Variants in NEBL observed in about 807,000 individuals in gnomAD.
NEBL encodes nebulette.
NEBL carries 122 observed loss-of-function variants against 140.2 expected under a neutral mutation model. That is an observed-to-expected ratio of 0.87 (90% CI 0.75 to 1.01). The LOEUF is 1.01. Ranked by LOEUF, NEBL falls within the 50% of genes least tolerant of loss-of-function variation. The pLI is 0.00. For synonymous variants in NEBL, 436 were observed against 398.9 expected (o/e 1.09, Z -1.11); for missense variants, 1,365 against 1,231.3 (o/e 1.11, Z -1.62).
At chr10:20,815,230 C>A (rs1256224833) in intron 22 of NEBL, among the ~76,000 whole-genome samples, 1 of 152,150 alleles carries the variant, frequency 6.6e-6, no homozygotes, top group Non-Finnish European at 1.5e-5. Flanking sequence ...GGGTAATGAT[C>A]CATCTCCTAT....
chr10:21,134,813 T>C (rs1470384599), intron 2 of NEBL, among the ~76,000 whole-genome samples: 1 of 152,238 alleles, frequency 6.6e-6, no homozygotes, highest in Non-Finnish European at 1.5e-5. Context: ...TATTCATTCA[T>C]CTGTAAGAAC....
intron 3 of NEBL, among the ~76,000 whole-genome samples, chr10:21,210,262 C>T (rs1841894840): frequency 6.6e-6 from 1 of 152,078 alleles, no homozygotes; most frequent in Non-Finnish European, 1.5e-5. Context: ...GGTGTGGTGG[C>T]AGGCGCCTGT....
At chr10:20,852,502 G>T in intron 10 of NEBL, 43 bp downstream of exon 10, 1 of 1,392,826 alleles carries the variant, frequency 7.2e-7, no homozygotes, top group Non-Finnish European at 1.0e-6. Context: ...ATGGTTACGG[G>T]TTGCTGGCAG....
chr10:20,873,445 T>A (rs569734152), intron 5 of NEBL, among the ~76,000 whole-genome samples: 33 of 149,862 alleles, frequency 2.2e-4, no homozygotes, highest in African/African-American at 8.1e-4. Context: ...TGTCCTCAGA[T>A]CATAGCAGAG....
intron 3 of NEBL, among the ~76,000 whole-genome samples, chr10:20,994,967 T>C (rs1837609280): frequency 6.6e-6 from 1 of 152,106 alleles, no homozygotes; most frequent in Admixed American, 6.6e-5. Context: ...GTTCAAACCC[T>C]TGTTGCTCAA....
Position 20,886,249 on chromosome 10 carries a change from G to A in NEBL, c.369+1848C>T, listed in dbSNP as rs73607543. ...AAAAGATTCTGGGGAAAGGTAGGGC[G>A]CAATGGCTCACACCTGTAATCCCTG... On this transcript the variant is annotated intron_variant, in intron 4 of 27. Coordinates refer to ENST00000377122, the MANE Select transcript of NEBL (RefSeq NM_006393.3). Among the ~76,000 whole-genome samples the A allele has an allele frequency of 6.0e-3, 918 of 152,088 alleles. 9 individuals carry two copies. The highest frequency in any genetic ancestry group is 0.021 in the African/African-American group (883 of 41,498).
intron 26 of NEBL, among the ~76,000 whole-genome samples, chr10:20,805,553 C>T (rs959327244): frequency 2.6e-5 from 4 of 152,024 alleles, no homozygotes; most frequent in Non-Finnish European, 5.9e-5. Context: ...ATAAATGACC[C>T]CAAAGAGTCA....
rs937657072 is a variant in NEBL, at chr10:20,852,611, C to T, written c.942G>A (p.Met314Ile). ...CCACAGCATCTGCATCAAAATGATACATTCCTTTGTTTTCCTCAAAGAGCT... is the reference window on the plus strand; with the variant it reads ...CCACAGCATCTGCATCAAAATGATATATTCCTTTGTTTTCCTCAAAGAGCT... The part of the protein sequence containing the change: ...YKKLFEENKG[M>I]YHFDADAVEH... Residue 314 changes from methionine to isoleucine, a missense_variant, in exon 10 of 28, where the codon ATG becomes ATA. Around this residue, in one of 2 missense-constraint regions of NEBL, gnomAD observed 1,323 missense variants for 1,154.8 expected, o/e 1.15. Transcript: ENST00000377122. 3.7e-6 allele frequency: 6 copies of T among 1,613,718 alleles called. No homozygotes were observed. The highest frequency in any genetic ancestry group is 5.1e-6 in the Non-Finnish European group (6 of 1,179,876).
chr10:21,103,290 T>G lies in NEBL; in HGVS notation c.164+69093A>C, dbSNP rs186143097. 1.6e-3 allele frequency among the ~76,000 whole-genome samples: 247 copies of G among 151,084 alleles called. 8 individuals carry two copies. The East Asian group carries it at 0.044, about 27-fold the overall frequency. ...TGCAGTGGCTGCAATCTCGGCCCACTGCAAGCTCCGCCTTCCGGGTTCATG... is the reference window on the plus strand; with the variant it reads ...TGCAGTGGCTGCAATCTCGGCCCACGGCAAGCTCCGCCTTCCGGGTTCATG... On this transcript the variant is annotated intron_variant, in intron 2 of 6. Transcript: ENST00000417816.
chr10:20,927,910 A>G (rs1267272138), intron 4 of NEBL, among the ~76,000 whole-genome samples: 1 of 152,240 alleles, frequency 6.6e-6, no homozygotes, highest in Non-Finnish European at 1.5e-5. Context: ...CCTGTAAGAT[A>G]GTGTCACCCA....
chr10:20,944,636 T>G (rs577109291), intron 4 of NEBL, among the ~76,000 whole-genome samples: 58 of 152,316 alleles, frequency 3.8e-4, no homozygotes, highest in Non-Finnish European at 7.5e-4. Context: ...AGAGCATGTC[T>G]GAGACTAGCT....
At chr10:21,253,009 C>T (rs1440370044) in intron 1 of NEBL, among the ~76,000 whole-genome samples, 1 of 152,116 alleles carries the variant, frequency 6.6e-6, no homozygotes, top group African/African-American at 2.4e-5. Flanking sequence ...CGCCTGTAAT[C>T]CCAGCATTTT....
chr10:21,114,829 T>A, intron 2 of NEBL, among the ~76,000 whole-genome samples: 1 of 141,276 alleles, frequency 7.1e-6, no homozygotes, highest in East Asian at 2.0e-4. Context: ...TGGGTCCTGC[T>A]TTTTTTTTTT....
At chr10:20,956,604 C>T (rs1835816163) in intron 4 of NEBL, among the ~76,000 whole-genome samples, 1 of 152,154 alleles carries the variant, frequency 6.6e-6, no homozygotes, top group Admixed American at 6.5e-5. Flanking sequence ...AAATAACATT[C>T]ATTCTCCCTT....
intron 1 of NEBL, among the ~76,000 whole-genome samples, chr10:21,290,520 C>T (rs1183251863): frequency 6.6e-6 from 1 of 152,178 alleles, no homozygotes; most frequent in Non-Finnish European, 1.5e-5. Flanking sequence ...TCCTAGGAAT[C>T]TTATCAAATA....
chr10:20,844,233 G>A (rs548179199), intron 12 of NEBL, among the ~76,000 whole-genome samples: 1 of 152,050 alleles, frequency 6.6e-6, no homozygotes, highest in East Asian at 1.9e-4. Flanking sequence ...TGCTCCTATA[G>A]GCAATTAATC....
intron 3 of NEBL, among the ~76,000 whole-genome samples, chr10:21,195,079 C>T (rs1841627850): frequency 6.6e-6 from 1 of 152,112 alleles, no homozygotes; most frequent in Non-Finnish European, 1.5e-5. Context: ...CTTCTAAGTA[C>T]ATTTTAGAAT....
At chr10:21,279,630 C>A (rs1226037480) in intron 1 of NEBL, among the ~76,000 whole-genome samples, 1 of 151,890 alleles carries the variant, frequency 6.6e-6, no homozygotes, top group African/African-American at 2.4e-5. Flanking sequence ...TGGTGGCAGG[C>A]ACCTGTAATC....
chr10:20,805,487 C>T (rs1324745495), intron 26 of NEBL, among the ~76,000 whole-genome samples: 1 of 152,076 alleles, frequency 6.6e-6, no homozygotes, highest in African/African-American at 2.4e-5. Context: ...TAGGCAATGT[C>T]CCTAAAGACA....
Sources: allele counts gnomAD v4.1 joint callset (sites outside exome capture counted in the v4.1 genomes callset), GRCh38; gene constraint gnomAD v4.1.1; regional missense constraint gnomAD v4.1.1; transcripts MANE v1.5; gene names NCBI Gene and HGNC (gene_info 2026-07-23, HGNC 2026-07-21).